The following LZTS1 variants were observed in gnomAD, a reference collection of about 807,000 sequenced individuals.
LZTS1 encodes the protein leucine zipper tumor suppressor 1.
LZTS1 carries 31 observed loss-of-function variants against 45.8 expected under a neutral mutation model. That is an observed-to-expected ratio of 0.68 (90% CI 0.51 to 0.91). The LOEUF is 0.91. Among genes scored for constraint, LZTS1 ranks in the 40% least tolerant of loss-of-function variants. The pLI, the probability that LZTS1 is intolerant of heterozygous loss-of-function variation, is 0.00. For synonymous variants in LZTS1, 359 were observed against 357.3 expected (o/e 1.00, Z -0.05); for missense variants, 821 against 788.9 (o/e 1.04, Z -0.49).
chr8:20,280,834 C>T (rs1043853089), intron 1 of LZTS1, among the ~76,000 whole-genome samples: 4 of 152,190 alleles, frequency 2.6e-5, no homozygotes, highest in African/African-American at 9.7e-5. Flanking sequence ...TCCACCTGGA[C>T]ATTAGCCTGG....
At position 20,283,098 on chromosome 8, in the gene LZTS1, C is replaced by T. The variant is rs1198767161; in HGVS notation, c.-135+20642G>A. 2.6e-5 allele frequency among the ~76,000 whole-genome samples: 4 copies of T among 152,138 alleles called. No homozygotes were observed. In the South Asian group the frequency reaches 8.3e-4, roughly 31 times the overall value. Reference sequence around the variant, plus strand: ...GAAGGTATCTCCACCCAGTGATCTCCCCAGTGGCTTCACTGGTCAGGACTG... The same window carrying T: ...GAAGGTATCTCCACCCAGTGATCTCTCCAGTGGCTTCACTGGTCAGGACTG... On this transcript the variant is annotated intron_variant, in intron 1 of 3. Transcript: ENST00000381569.
chr8:20,289,886 C>T (rs1315005135), intron 1 of LZTS1: 2 of 152,196 alleles, frequency 1.3e-5, no homozygotes, highest in East Asian at 3.9e-4. Flanking sequence ...GCCCTTTGAA[C>T]TCAGTGTCTC....
intron 1 of LZTS1, among the ~76,000 whole-genome samples, chr8:20,263,295 TCA>T (rs1800283467): frequency 6.6e-6 from 1 of 151,206 alleles, no homozygotes; most frequent in Non-Finnish European, 1.5e-5. Flanking sequence ...CCCTCTGGGC[TCA>T]GTTTCCAACC....
Position 20,252,369 on chromosome 8 carries a change from C to A in LZTS1, c.1149+413G>T, listed in dbSNP as rs904000. On this transcript the variant is annotated intron_variant, in intron 3 of 3. Transcript: ENST00000381569. Reference sequence around the variant, plus strand: ...CTCTTACTAGTGGGTGCAGTCCCTCCCTCCAAAGCAACAAATGCATTCTGT... The same window carrying A: ...CTCTTACTAGTGGGTGCAGTCCCTCACTCCAAAGCAACAAATGCATTCTGT... Among the ~76,000 whole-genome samples, 669 of 152,144 alleles carry A rather than the reference C, an allele frequency of 4.4e-3. 5 individuals are homozygous for A. The highest frequency in any genetic ancestry group is 6.8e-3 in the Non-Finnish European group (464 of 67,978).
Position 20,248,377 on chromosome 8 carries a change from C to G in LZTS1, c.*1345G>C, listed in dbSNP as rs530313082. ...AACAGAGAAACTCCACCTTTTATCT[C>G]TCTCTACCACCGCCTCCCGCTCCGC... On this transcript the variant is annotated 3_prime_UTR_variant, in exon 4 of 4. Transcript: ENST00000381569. The G allele has an allele frequency of 6.6e-6, 1 of 152,470 alleles. No homozygotes were observed. Among genetic ancestry groups the G allele is most frequent in the Admixed American group, 6.5e-5 (1 of 15,308 alleles). The allele number at this position is 152,470 out of a possible 1,614,324, so 9.4% of individuals were successfully genotyped here.
chr8:20,293,099 A>G (rs182194807), intron 1 of LZTS1, among the ~76,000 whole-genome samples: 80 of 152,272 alleles, frequency 5.3e-4, no homozygotes, highest in African/African-American at 1.9e-3. Context: ...GCTATCAACT[A>G]GGAGATACGA....
intron 1 of LZTS1, among the ~76,000 whole-genome samples, chr8:20,301,014 G>C (rs993627342): frequency 5.9e-5 from 9 of 151,836 alleles, no homozygotes; most frequent in Admixed American, 3.3e-4. Context: ...CCAGCTACTT[G>C]TGAGGGTGAG....
At chr8:20,264,316 T>A (rs112378058) in intron 1 of LZTS1, among the ~76,000 whole-genome samples, 2,952 of 152,286 alleles carry the variant, frequency 0.019, 38 homozygotes, top group African/African-American at 0.03. Context: ...TCCATTCTGT[T>A]GCAAAAACCC....
At chr8:20,303,680 C>G (rs1029824737) in intron 1 of LZTS1, 60 bp downstream of exon 1, 4 of 985,128 alleles carry the variant, frequency 4.1e-6, no homozygotes, top group African/African-American at 1.7e-5. Context: ...AAAGCGGTTT[C>G]CCGCAGCCAG....
In LZTS1 at chr8:20,250,144, T is replaced by G; in HGVS notation, c.1369A>C (p.Lys457Gln). The change falls in exon 4 of 4, where the codon AAG becomes CAG. Residue 457 changes from lysine (K) to glutamine (Q), a missense_variant. By Grantham distance (53) the Lys-to-Gln change is moderately conservative (BLOSUM62 1). Transcript: ENST00000381569. ...CGCAGCAGCTCCGCCTCGTTCTTCT[T>G]GCGCTGCAGCTCATTCTCACAGACC... ...LEVCENELQR[K>Q]KNEAELLREK... is the part of the protein sequence containing the mutation. The G allele has an allele frequency of 6.2e-7, 1 of 1,608,768 alleles. No individual in the cohort carries two copies. The highest frequency in any genetic ancestry group is 8.5e-7 in the Non-Finnish European group (1 of 1,179,206).
intron 1 of LZTS1, among the ~76,000 whole-genome samples, chr8:20,296,655 A>G (rs1055434187): frequency 3.3e-5 from 5 of 152,174 alleles, no homozygotes; most frequent in African/African-American, 1.2e-4. Context: ...TCTCAGAGGG[A>G]GAGACAATGA....
chr8:20,303,546 C>T (rs1458320366), intron 1 of LZTS1, among the ~76,000 whole-genome samples, 194 bp downstream of exon 1: 4 of 151,670 alleles, frequency 2.6e-5, no homozygotes, highest in African/African-American at 9.7e-5. Flanking sequence ...AAGCGGCGCC[C>T]ACCCTGCAGA....
intron 1 of LZTS1, among the ~76,000 whole-genome samples, chr8:20,273,112 A>G (rs991807834): frequency 1.3e-5 from 2 of 151,680 alleles, no homozygotes; most frequent in African/African-American, 4.8e-5. Context: ...GCTAAATCCA[A>G]TGGACCTTCC....
Position 20,249,507 on chromosome 8 carries a change from T to C in LZTS1, c.*215A>G. ...CCATCTCCTGGGAAAGCCAGAGGAG[T>C]CAGGGCCTGACGTCTGGTGGGCTGC... On this transcript the variant is annotated 3_prime_UTR_variant, in exon 4 of 4. Transcript: ENST00000381569. 3 of 592,614 alleles carry C rather than the reference T, an allele frequency of 5.1e-6. No individual in the cohort carries two copies. The highest frequency in any genetic ancestry group is 2.2e-5 in the South Asian group (1 of 44,672). 36.7% of individuals were successfully genotyped at this position (592,614 alleles called of 1,614,324 possible).
chr8:20,259,348 A>C (rs1230252211), intron 1 of LZTS1, among the ~76,000 whole-genome samples: 2 of 152,200 alleles, frequency 1.3e-5, no homozygotes, highest in Non-Finnish European at 2.9e-5. Context: ...GTTGCCTTCA[A>C]GCCTATGACA....
At chr8:20,251,490 C>T (rs922543314) in intron 3 of LZTS1, among the ~76,000 whole-genome samples, 3 of 152,082 alleles carry the variant, frequency 2.0e-5, no homozygotes, top group African/African-American at 7.2e-5. Context: ...TCTGTAGAGC[C>T]ACATGCTCTG....
intron 1 of LZTS1, among the ~76,000 whole-genome samples, chr8:20,286,041 C>T (rs1800786446): frequency 6.6e-6 from 1 of 152,176 alleles, no homozygotes; most frequent in African/African-American, 2.4e-5. Context: ...AAGGTTAACA[C>T]CCTAAAGCAT....
At chr8:20,270,767 G>T (rs917585084) in intron 1 of LZTS1, among the ~76,000 whole-genome samples, 1 of 151,294 alleles carries the variant, frequency 6.6e-6, no homozygotes, top group African/African-American at 2.4e-5. Flanking sequence ...ACTTCAGTAG[G>T]GCTCATCTTT....
At chr8:20,253,660 T>G (rs1800013073) in intron 2 of LZTS1, 75 bp from the exon 3 acceptor site, 2 of 1,228,742 alleles carry the variant, frequency 1.6e-6, no homozygotes, top group East Asian at 2.6e-5. Context: ...CAGGCACGCG[T>G]GCCGACCTTG....
Sources: gnomAD v4.1 joint callset for allele counts (sites outside exome capture counted in the v4.1 genomes callset) on GRCh38, gnomAD v4.1.1 for gene constraint, MANE v1.5 for transcripts, NCBI Gene and HGNC (gene_info 2026-07-23, HGNC 2026-07-21) for gene names.